Variants in PTPRE observed in about 807,000 individuals in gnomAD.
PTPRE encodes the protein protein tyrosine phosphatase receptor type E, also known as receptor-type tyrosine-protein phosphatase epsilon.
PTPRE carries 51 observed loss-of-function variants against 102.0 expected under a neutral mutation model. The ratio of observed to expected loss-of-function variants is 0.50; its 90% CI spans 0.40 to 0.63. PTPRE has a LOEUF of 0.63. Among genes scored for constraint, PTPRE ranks in the 30% least tolerant of loss-of-function variants. PTPRE has a pLI of 0.00. For missense variants in PTPRE, 752 were observed against 915.1 expected, an observed-to-expected ratio of 0.82 and a Z score of 2.30; for synonymous variants, 345 against 348.2, an observed-to-expected ratio of 0.99 and a Z score of 0.10.
At chr10:127,996,304 C>T (rs750659552) in intron 2 of PTPRE, among the ~76,000 whole-genome samples, 1 of 152,186 alleles carries the variant, frequency 6.6e-6, no homozygotes, top group Non-Finnish European at 1.5e-5. Flanking sequence ...AGGAAGATCT[C>T]GAAAGCTGGC....
In PTPRE at chr10:128,052,130, G is replaced by A. The variant is rs543525876; in HGVS notation, c.420+2464G>A. Among the ~76,000 whole-genome samples the A allele has an allele frequency of 6.6e-5, 10 of 152,292 alleles. No homozygotes were observed. The East Asian group carries it at 1.4e-3, about 21-fold the overall frequency. Reference sequence around the variant, plus strand: ...AGGGCTGGCCATGTCCTGAGTCCACGTTGATGCAGCACCCGTCCTCTGAGA... The same window carrying A: ...AGGGCTGGCCATGTCCTGAGTCCACATTGATGCAGCACCCGTCCTCTGAGA... On this transcript the variant is annotated intron_variant, in intron 6 of 20. Transcript: ENST00000254667.
At chr10:128,014,724 C>T (rs999295985) in intron 2 of PTPRE, among the ~76,000 whole-genome samples, 2 of 152,132 alleles carry the variant, frequency 1.3e-5, no homozygotes, top group African/African-American at 4.8e-5. Flanking sequence ...CCCGTCTCAA[C>T]CCCAGCTTCA....
At chr10:128,000,487 A>G (rs763161153) in intron 2 of PTPRE, among the ~76,000 whole-genome samples, 28 of 152,152 alleles carry the variant, frequency 1.8e-4, no homozygotes, top group Non-Finnish European at 2.4e-4. Context: ...CTTTTTTTAG[A>G]AGCATACTGC....
chr10:127,945,799 A>G (rs55831625), intron 1 of PTPRE, among the ~76,000 whole-genome samples: 22,881 of 152,010 alleles, frequency 0.15, 1,878 homozygotes, highest in East Asian at 0.27. Flanking sequence ...AGGCAAATGG[A>G]CACAGAAATA....
chr10:127,916,177 C>A (rs979837241), intron 1 of PTPRE, among the ~76,000 whole-genome samples: 3 of 152,050 alleles, frequency 2.0e-5, no homozygotes, highest in Non-Finnish European at 4.4e-5. Flanking sequence ...TGTCCCCACC[C>A]AAATCTCATC....
chr10:128,011,783 G>A (rs755292371), intron 2 of PTPRE, among the ~76,000 whole-genome samples: 1 of 152,226 alleles, frequency 6.6e-6, no homozygotes, highest in African/African-American at 2.4e-5. Flanking sequence ...GCCCAGCCAA[G>A]CTCAGCAACT....
At chr10:128,016,540 G>A (rs1845446466) in intron 2 of PTPRE, among the ~76,000 whole-genome samples, 1 of 151,434 alleles carries the variant, frequency 6.6e-6, no homozygotes, top group Non-Finnish European at 1.5e-5. Flanking sequence ...CCAGGCTGGT[G>A]AGGAGACAGC....
intron 2 of PTPRE, among the ~76,000 whole-genome samples, chr10:128,015,514 C>G (rs974914776): frequency 3.3e-5 from 5 of 152,094 alleles, no homozygotes; most frequent in African/African-American, 1.2e-4. Flanking sequence ...CTACAGGCAC[C>G]CGCCACCACA....
chr10:127,985,844 A>C (rs992126794), intron 2 of PTPRE, among the ~76,000 whole-genome samples: 107 of 152,190 alleles, frequency 7.0e-4, no homozygotes, highest in African/African-American at 2.3e-3. Flanking sequence ...TAATCCCAGC[A>C]CTTTGGGAGG....
chr10:128,041,646 C>CAAAAAAAAAAAAAAAAAAAAAA (rs59411622), intron 3 of PTPRE, among the ~76,000 whole-genome samples: 1 of 77,366 alleles, frequency 1.3e-5, no homozygotes, highest in African/African-American at 5.4e-5. Context: ...GACTACGTCT[C>CAAAAAAAAAAAAAAAAAAAAAA]AAAAAAAAAA....
At chr10:127,953,491 C>G (rs1849187513) in intron 1 of PTPRE, among the ~76,000 whole-genome samples, 1 of 152,148 alleles carries the variant, frequency 6.6e-6, no homozygotes. Context: ...GTGATCTGAC[C>G]CACCAAACCA....
At chr10:127,972,904 G>A (rs937531024) in intron 1 of PTPRE, among the ~76,000 whole-genome samples, 5 of 152,282 alleles carry the variant, frequency 3.3e-5, no homozygotes, top group Admixed American at 2.6e-4. Flanking sequence ...CAGAGGCCTG[G>A]GACTGTCCAG....
intron 1 of PTPRE, among the ~76,000 whole-genome samples, chr10:127,953,551 A>C (rs536829193): frequency 2.6e-5 from 4 of 152,232 alleles, no homozygotes; most frequent in African/African-American, 9.6e-5. Flanking sequence ...GAAGCGGTGT[A>C]TATATGTGAT....
At chr10:128,063,304 A>G in intron 10 of PTPRE, 124 bp downstream of exon 10, 1 of 1,475,782 alleles carries the variant, frequency 6.8e-7, no homozygotes, top group Non-Finnish European at 9.0e-7. Flanking sequence ...GCAGAAAAAA[A>G]CCCAAACACA....
chr10:127,946,364 T>C (rs1210349937), intron 1 of PTPRE, among the ~76,000 whole-genome samples: 2 of 152,198 alleles, frequency 1.3e-5, no homozygotes, highest in East Asian at 1.9e-4. Context: ...TCAGCCCTCA[T>C]TTTGGGGCAA....
At chr10:127,935,089 T>C (rs901524385) in intron 1 of PTPRE, among the ~76,000 whole-genome samples, 4 of 152,142 alleles carry the variant, frequency 2.6e-5, no homozygotes, top group Admixed American at 2.6e-4. Flanking sequence ...CCCGTTTCCA[T>C]GGAGAGGCTG....
At chr10:127,964,838 C>T (rs1475190452) in intron 1 of PTPRE, 4 of 315,084 alleles carry the variant, frequency 1.3e-5, no homozygotes. Context: ...TAAGCGCTTG[C>T]AGCCAGTTGT....
chr10:127,988,464 C>G (rs1852312672), intron 2 of PTPRE, among the ~76,000 whole-genome samples: 1 of 152,100 alleles, frequency 6.6e-6, no homozygotes, highest in Non-Finnish European at 1.5e-5. Context: ...TGTCACCATG[C>G]CCAGCTAATT....
chr10:128,073,563 C>A, intron 17 of PTPRE, 92 bp downstream of exon 17: 1 of 1,471,664 alleles, frequency 6.8e-7, no homozygotes, highest in Non-Finnish European at 9.1e-7. Flanking sequence ...CCTGCCATCA[C>A]TGCAAACACA....
Sources: gnomAD v4.1 joint callset for allele counts (sites outside exome capture counted in the v4.1 genomes callset) on GRCh38, gnomAD v4.1.1 for gene constraint, MANE v1.5 for transcripts, NCBI Gene and HGNC (gene_info 2026-07-23, HGNC 2026-07-21) for gene names.